The following CIAO1 variants were observed in gnomAD, a reference collection of about 807,000 sequenced individuals.
CIAO1 encodes cytosolic iron-sulfur assembly component 1, also known as probable cytosolic iron-sulfur protein assembly protein CIAO1.
CIAO1 carries 32 observed loss-of-function variants against 43.1 expected under a neutral mutation model. The ratio of observed to expected loss-of-function variants is 0.74; its 90% confidence interval spans 0.56 to 1.00. The LOEUF is 1.00. Ranked by LOEUF, CIAO1 falls within the 50% of genes least tolerant of loss-of-function variation. The pLI is 0.00. For missense variants in CIAO1, 415 were observed against 437.4 expected (o/e 0.95, Z 0.46); for synonymous variants, 183 against 171.4 (o/e 1.07, Z -0.53).
In CIAO1 at chr2:96,268,668, A is replaced by G. The variant is rs768342930; in HGVS notation, c.691+10A>G. The stretch of plus-strand genomic sequence containing the variant: ...CCAGGCAATGAACAAGGTGAGGTCC[A>G]TTAGTAGAGCTAAAGAAGACCCATC... On this transcript the variant is annotated intron_variant, in intron 5 of 6. Coordinates refer to ENST00000488633, the MANE Select transcript of CIAO1 (RefSeq NM_004804.3). The G allele has an allele frequency of 3.7e-6, 6 of 1,613,796 alleles. No individual in the cohort carries two copies. The African/African-American group carries it at 4.0e-5, about 11-fold the overall frequency.
Position 96,267,879 on chromosome 2 carries a change from C to G in CIAO1, c.444C>G (p.Ser148=), listed in dbSNP as rs953761555. 6 of 1,614,002 alleles carry G rather than the reference C, an allele frequency of 3.7e-6. No individual in the cohort carries two copies. In the South Asian group the frequency reaches 4.4e-5, roughly 12 times the overall value. ...DEYECVSVLN[S]HTQDVKHVVW... ...ATGAATGTGTCAGTGTTCTCAACTC[C>G]CACACACAGGATGTCAAGCATGTGG... The change falls in exon 4 of 7, where the codon TCC becomes TCG. Residue 148 remains serine, a synonymous_variant. Coordinates refer to ENST00000488633, the MANE Select transcript of CIAO1 (RefSeq NM_004804.3).
At position 96,271,488 on chromosome 2, in the gene CIAO1, TGCAGA is replaced by T. The variant is rs1249579484; in HGVS notation, c.*140_*144del. The T allele has an allele frequency of 2.8e-6, 3 of 1,063,818 alleles. No individual in the cohort carries two copies. In the Admixed American group the frequency reaches 8.2e-5, roughly 29 times the overall value. The allele number at this position is 1,063,818 out of a possible 1,614,324, so 65.9% of individuals were successfully genotyped here. ...ACTTCTCTTCAGACTTGGGTAGAAG[TGCAGA>T]GCCACAGAATTGCTTTCCTTCCCCG... is the stretch of plus-strand genomic sequence containing the variant. On this transcript the variant is annotated 3_prime_UTR_variant, in exon 7 of 7. Coordinates refer to ENST00000488633, the MANE Select transcript of CIAO1 (RefSeq NM_004804.3).
rs751470231 is a variant in CIAO1, at chr2:96,267,871, C to G, written c.436C>G (p.Leu146Val). The G allele has an allele frequency of 1.9e-6, 3 of 1,614,132 alleles. No homozygotes were observed. The highest frequency in any genetic ancestry group is 2.5e-6 in the Non-Finnish European group (3 of 1,180,026). Residue 146 changes from leucine (L) to valine (V), a missense_variant, in exon 4 of 7, where the codon CTC becomes GTC. Leu to Val is a conservative substitution (Grantham distance 32, BLOSUM62 1). Transcript: ENST00000488633. Reference protein sequence around the residue: ...EEDEYECVSVLNSHTQDVKHV... With the variant: ...EEDEYECVSVVNSHTQDVKHV... Reference sequence around the variant, plus strand: ...GGATGAGTATGAATGTGTCAGTGTTCTCAACTCCCACACACAGGATGTCAA... The same window carrying G: ...GGATGAGTATGAATGTGTCAGTGTTGTCAACTCCCACACACAGGATGTCAA...
rs569898918 is a variant in CIAO1 at position 96,273,436 on chromosome 2, G to T, written c.*2085G>T. The T allele has an allele frequency of 1.6e-4, 25 of 152,124 alleles. 1 individual carries two copies. The East Asian group carries it at 2.3e-3, about 14-fold the overall frequency. The allele number at this position is 152,124 out of a possible 1,614,324, so 9.4% of individuals were successfully genotyped here. On this transcript the variant is annotated 3_prime_UTR_variant, in exon 7 of 7. Transcript: ENST00000488633. ...CCCAACACTTTGGGAGGCCAAGGTG[G>T]GTGGATCACAAGGTCAGGAGTTCAA...
chr2:96,268,901 G>C (rs1397862341), intron 5 of CIAO1: 1 of 572,518 alleles, frequency 1.7e-6, no homozygotes, highest in African/African-American at 1.9e-5. Context: ...AAACTCAACA[G>C]TGTGAGTAAA....
rs1441183764 is a variant in CIAO1, at chr2:96,271,148, G to T, written c.817G>T (p.Asp273Tyr). Reference sequence around the variant, plus strand: ...AGGGGCTCTGGCCACAGCTTGTGGGGATGACGCGATCCGCGTGTTTCAGGA... The same window carrying T: ...AGGGGCTCTGGCCACAGCTTGTGGGTATGACGCGATCCGCGTGTTTCAGGA... ...LTGALATACG[D>Y]DAIRVFQEDP... is the part of the protein sequence containing the mutation. The change falls in exon 7 of 7, where the codon GAT becomes TAT. Residue 273 changes from aspartate (D) to tyrosine (Y), a missense_variant. Physicochemically the swap from Asp to Tyr is radical, Grantham distance 160. Transcript: ENST00000488633. The T allele has an allele frequency of 2.5e-6, 4 of 1,614,106 alleles. No homozygotes were observed. The highest frequency in any genetic ancestry group is 3.4e-6 in the Non-Finnish European group (4 of 1,180,052).
intron 1 of CIAO1, 125 bp from the exon 2 acceptor site, chr2:96,267,196 A>G: frequency 1.4e-6 from 1 of 720,294 alleles, no homozygotes; most frequent in South Asian, 3.1e-5. Flanking sequence ...GCATCTTTGT[A>G]AAAGCTGTGA....
intron 1 of CIAO1, among the ~76,000 whole-genome samples, chr2:96,266,748 G>A (rs1351635971): frequency 6.6e-6 from 1 of 152,208 alleles, no homozygotes; most frequent in African/African-American, 2.4e-5. Context: ...TTAGGAAAGT[G>A]GCCTTCAGAG....
chr2:96,267,289 G>C (rs759245005), intron 1 of CIAO1, 32 bp from the exon 2 acceptor site: 2 of 1,594,996 alleles, frequency 1.3e-6, no homozygotes, highest in African/African-American at 1.3e-5. Flanking sequence ...GCTGCACCCA[G>C]CTCCAGAGCC....
chr2:96,269,925 A>T (rs1030619669), intron 6 of CIAO1, among the ~76,000 whole-genome samples: 1 of 151,972 alleles, frequency 6.6e-6, no homozygotes, highest in Non-Finnish European at 1.5e-5. Context: ...GATTACAGGC[A>T]TGAGCCACCG....
chr2:96,269,293 C>G lies in CIAO1; in HGVS notation c.717C>G (p.Pro239=). ...EQGVACSGSD[P]SWKCICTLSG... ...GGGTGGCATGCAGCGGCTCTGACCC[C>G]AGTTGGAAATGTATCTGTACTTTGT... The change falls in exon 6 of 7, where the codon CCC becomes CCG. Residue 239 remains proline (P), a synonymous_variant. Transcript: ENST00000488633. 6.2e-7 allele frequency: 1 copy of G among 1,614,162 alleles called. No homozygotes were observed.
rs1684429372 is a variant in CIAO1, at chr2:96,266,377, C to T, written c.27C>T (p.Gly9=). ...TGAAGGACTCGCTGGTGCTGCTGGGCCGTGTCCCGGCGCACCCGGACTCCC... is the reference window on the plus strand; with the variant it reads ...TGAAGGACTCGCTGGTGCTGCTGGGTCGTGTCCCGGCGCACCCGGACTCCC... MKDSLVLL[G]RVPAHPDSRC... The change falls in exon 1 of 7, where the codon GGC becomes GGT. Residue 9 remains glycine, a synonymous_variant. Transcript: ENST00000488633. The T allele has an allele frequency of 6.6e-7, 1 of 1,505,456 alleles. No individual in the cohort carries two copies. The highest frequency in any genetic ancestry group is 8.9e-7 in the Non-Finnish European group (1 of 1,118,752). 93.3% of individuals were successfully genotyped at this position (1,505,456 alleles called of 1,614,324 possible).
intron 6 of CIAO1, among the ~76,000 whole-genome samples, chr2:96,269,631 G>A (rs1179792615): frequency 1.3e-5 from 2 of 152,066 alleles, no homozygotes; most frequent in African/African-American, 4.8e-5. Context: ...ATCTGCATTC[G>A]TGGCTGAGGG....
chr2:96,268,433 G>A (rs1297113760), intron 4 of CIAO1, 24 bp from the exon 5 acceptor site: 3 of 1,609,846 alleles, frequency 1.9e-6, no homozygotes, highest in Non-Finnish European at 1.7e-6. Context: ...ACACATGTTG[G>A]GTTTCCTTTC....
At chr2:96,268,385 C>T (rs1250141869) in intron 4 of CIAO1, 72 bp from the exon 5 acceptor site, 4 of 1,258,748 alleles carry the variant, frequency 3.2e-6, no homozygotes, top group Non-Finnish European at 1.2e-6. Context: ...AAGCAGATAC[C>T]TGGAACTGAC....
In CIAO1 at chr2:96,266,416, G is replaced by T. The variant is rs1318881254; in HGVS notation, c.66G>T (p.Leu22=). The change falls in exon 1 of 7, where the codon CTG becomes CTT. Residue 22 remains leucine, a synonymous_variant. Transcript: ENST00000488633. Reference sequence around the variant, plus strand: ...ACCCGGACTCCCGCTGCTGGTTCCTGGCCTGGAACCCCGCGGGGACCCTGC... The same window carrying T: ...ACCCGGACTCCCGCTGCTGGTTCCTTGCCTGGAACCCCGCGGGGACCCTGC... ...PAHPDSRCWF[L]AWNPAGTLLA... 6.4e-7 allele frequency: 1 copy of T among 1,556,236 alleles called. No individual in the cohort carries two copies. The highest frequency in any genetic ancestry group is 8.7e-7 in the Non-Finnish European group (1 of 1,147,426).
At position 96,272,872 on chromosome 2, in the gene CIAO1, A is replaced by C. The variant is rs1285094392; in HGVS notation, c.*1521A>C. The C allele has an allele frequency of 6.6e-6, 1 of 152,220 alleles. No homozygotes were observed. Among genetic ancestry groups the C allele is most frequent in the African/African-American group, 2.4e-5 (1 of 41,454 alleles). 9.4% of individuals were successfully genotyped at this position (152,220 alleles called of 1,614,324 possible). A position where few individuals can be genotyped will look rare whatever the true frequency, so the allele number is the denominator to read the frequency against. On this transcript the variant is annotated 3_prime_UTR_variant, in exon 7 of 7. Transcript: ENST00000488633. ...TATTCTGAGAAAACTGGAAGCATGC[A>C]TAAAGCCCCTCTGCTGTGCACTGAA...
intron 1 of CIAO1, among the ~76,000 whole-genome samples, chr2:96,266,931 T>C (rs1402337190): frequency 1.3e-5 from 2 of 151,316 alleles, no homozygotes; most frequent in African/African-American, 2.4e-5. Context: ...GGTCAAGAGG[T>C]CAAGACCAGC....
Position 96,266,392 on chromosome 2 carries a change from C to T in CIAO1, c.42C>T (p.His14=). The part of the protein sequence containing the change: ...SLVLLGRVPA[H]PDSRCWFLAW... ...TGCTGCTGGGCCGTGTCCCGGCGCA[C>T]CCGGACTCCCGCTGCTGGTTCCTGG... Residue 14 remains histidine (H), a synonymous_variant, in exon 1 of 7, where the codon CAC becomes CAT. Transcript: ENST00000488633. 1 of 1,524,530 alleles carries T rather than the reference C, an allele frequency of 6.6e-7. No homozygotes were observed. The highest frequency in any genetic ancestry group is 8.9e-7 in the Non-Finnish European group (1 of 1,129,278). 94.4% of individuals were successfully genotyped at this position (1,524,530 alleles called of 1,614,324 possible). A position where few individuals can be genotyped will look rare whatever the true frequency, so the allele number is the denominator to read the frequency against.
Sources: allele counts gnomAD v4.1 joint callset (sites outside exome capture counted in the v4.1 genomes callset), GRCh38; gene constraint gnomAD v4.1.1; transcripts MANE v1.5; gene names NCBI Gene and HGNC (gene_info 2026-07-23, HGNC 2026-07-21).